PRRC1: variants seen among roughly 807,000 people sequenced by gnomAD.
PRRC1 encodes proline rich coiled-coil 1, also known as protein PRRC1.
A neutral mutation model predicts 40.7 loss-of-function variants in PRRC1; 39 were observed. The observed-to-expected ratio is 0.96, with a 90% CI of 0.74 to 1.25. The LOEUF (loss-of-function observed/expected upper bound fraction) is 1.25. PRRC1 is among the 50% of genes most tolerant of loss of function. The pLI is 0.00. For missense variants in PRRC1, 573 were observed against 548.3 expected (o/e 1.05, Z -0.45); for synonymous variants, 175 against 193.3 (o/e 0.91, Z 0.79).
intron 5 of PRRC1, among the ~76,000 whole-genome samples, chr5:127,533,207 T>C (rs925433630): frequency 6.6e-6 from 1 of 152,180 alleles, no homozygotes; most frequent in Non-Finnish European, 1.5e-5. Flanking sequence ...GACCCCATAT[T>C]TAAACTATTT....
intron 3 of PRRC1, among the ~76,000 whole-genome samples, chr5:127,525,175 G>C (rs528148443): frequency 4.7e-4 from 71 of 151,998 alleles, no homozygotes; most frequent in Non-Finnish European, 9.9e-4. Flanking sequence ...CACAGCTCTA[G>C]GCAACTACTA....
At chr5:127,532,803 A>G (rs1223559491) in intron 5 of PRRC1, among the ~76,000 whole-genome samples, 1 of 152,212 alleles carries the variant, frequency 6.6e-6, no homozygotes, top group Non-Finnish European at 1.5e-5. Context: ...AATGTTTTAC[A>G]TTATAAACAA....
intron 8 of PRRC1, chr5:127,548,591 T>C (rs1768289520): frequency 1.3e-5 from 2 of 152,106 alleles, no homozygotes; most frequent in Admixed American, 1.3e-4. Flanking sequence ...CATAAAATTT[T>C]TGTTACAGTT....
chr5:127,551,812 T>A lies in PRRC1; in HGVS notation c.1234T>A (p.Trp412Arg), dbSNP rs765882287. 1 of 1,614,152 alleles carries A rather than the reference T, an allele frequency of 6.2e-7. No homozygotes were observed. The highest frequency in any genetic ancestry group is 1.1e-5 in the South Asian group (1 of 91,080). Residue 412 changes from tryptophan to arginine, a missense_variant, in exon 9 of 9, where the codon TGG (tryptophan) becomes AGG (arginine). By Grantham distance (101) the Trp-to-Arg change is moderately radical (BLOSUM62 -3). Coordinates refer to ENST00000296666, the MANE Select transcript of PRRC1 (RefSeq NM_130809.5). ...KSLLNVSRTD[W>R]HMAFTGMSRR... is the part of the protein sequence containing the mutation. ...TTTACTGAATGTCAGCCGGACTGAT[T>A]GGCACATGGCATTTACTGGGATGTC...
Position 127,525,861 on chromosome 5 carries a change from C to G in PRRC1, c.494-757C>G, listed in dbSNP as rs539269967. Among the ~76,000 whole-genome samples the G allele has an allele frequency of 7.1e-4, 108 of 152,178 alleles. No individual in the cohort carries two copies. In the Middle Eastern group the frequency reaches 0.014, roughly 19 times the overall value. On this transcript the variant is annotated intron_variant, in intron 3 of 8. Transcript: ENST00000296666. ...TTATAGAGAAATTTAAAGGTGAAGT[C>G]TGAGTTTTTTTAAGTTTTACTGAAA...
intron 8 of PRRC1, chr5:127,548,706 A>G (rs901446784): frequency 1.3e-5 from 2 of 152,118 alleles, no homozygotes; most frequent in Non-Finnish European, 2.9e-5. Context: ...GTCTCCCAAG[A>G]AAAATGCGTG....
chr5:127,527,869 C>G (rs1028790876), intron 4 of PRRC1, among the ~76,000 whole-genome samples: 2 of 150,274 alleles, frequency 1.3e-5, no homozygotes, highest in African/African-American at 4.9e-5. Flanking sequence ...TTTGAGTGAA[C>G]ATTTGAAGAA....
Position 127,526,780 on chromosome 5 carries a change from T to G in PRRC1, c.654+2T>G. 1 of 1,559,858 alleles carries G rather than the reference T, an allele frequency of 6.4e-7. No individual in the cohort carries two copies. Among genetic ancestry groups the G allele is most frequent in the Non-Finnish European group, 8.7e-7 (1 of 1,155,474 alleles). On this transcript the variant is annotated splice_donor_variant, in intron 4 of 8. Transcript: ENST00000296666. LOFTEE classifies it high-confidence loss of function. Reference sequence around the variant, plus strand: ...GGTGGAATCTGGGGTTTTATTAAGGTAAGACGTGTTTAAAAATTATGTTTA... The same window carrying G: ...GGTGGAATCTGGGGTTTTATTAAGGGAAGACGTGTTTAAAAATTATGTTTA...
intron 3 of PRRC1, among the ~76,000 whole-genome samples, chr5:127,525,360 T>G (rs1160415328): frequency 6.6e-6 from 1 of 152,252 alleles, no homozygotes; most frequent in Non-Finnish European, 1.5e-5. Flanking sequence ...ACTTCATTCC[T>G]TTTCATGGCT....
At chr5:127,545,693 T>C (rs1342503232) in intron 7 of PRRC1, among the ~76,000 whole-genome samples, 1 of 150,090 alleles carries the variant, frequency 6.7e-6, no homozygotes, top group Non-Finnish European at 1.5e-5. Context: ...GATGAATTAA[T>C]GGGTGCAGCA....
chr5:127,543,615 C>T (rs1768119240), intron 7 of PRRC1, among the ~76,000 whole-genome samples: 1 of 152,126 alleles, frequency 6.6e-6, no homozygotes, highest in Non-Finnish European at 1.5e-5. Context: ...CGCTTCATTT[C>T]ATTCATTTCA....
At chr5:127,522,222 T>C (rs1381400134) in intron 1 of PRRC1, among the ~76,000 whole-genome samples, 1 of 152,254 alleles carries the variant, frequency 6.6e-6, no homozygotes, top group African/African-American at 2.4e-5. Flanking sequence ...AAGAAAGTTT[T>C]CTCATATTTT....
Position 127,538,861 on chromosome 5 carries a change from C to T in PRRC1, c.922-179C>T, listed in dbSNP as rs78280323. On this transcript the variant is annotated intron_variant, in intron 6 of 8. Coordinates refer to ENST00000296666, the MANE Select transcript of PRRC1 (RefSeq NM_130809.5). ...GGTGTACCCCAAACTGTTGATACTA[C>T]GGAAATGTAATTGTATTTTGTCATT... is the stretch of plus-strand genomic sequence containing the variant. Among the ~76,000 whole-genome samples the T allele has an allele frequency of 8.4e-3, 1,281 of 152,064 alleles. 15 individuals are homozygous for T. Among genetic ancestry groups the T allele is most frequent in the African/African-American group, 0.029 (1,212 of 41,510 alleles).
intron 6 of PRRC1, among the ~76,000 whole-genome samples, chr5:127,535,794 T>TG (rs1338843933): frequency 6.6e-6 from 1 of 152,114 alleles, no homozygotes; most frequent in African/African-American, 2.4e-5. Context: ...CATATTTCAT[T>TG]GGGGAAAAAG....
At chr5:127,530,594 A>G (rs1767742343) in intron 5 of PRRC1, among the ~76,000 whole-genome samples, 198 bp downstream of exon 5, 1 of 152,182 alleles carries the variant, frequency 6.6e-6, no homozygotes, top group African/African-American at 2.4e-5. Context: ...CATTAAATAA[A>G]TTTTGAAAAT....
chr5:127,544,598 C>T lies in PRRC1; in HGVS notation c.1026-3221C>T, dbSNP rs553038978. Among the ~76,000 whole-genome samples the T allele has an allele frequency of 2.9e-4, 44 of 152,356 alleles. No individual in the cohort carries two copies. In the East Asian group the frequency reaches 7.3e-3, roughly 25 times the overall value. Reference sequence around the variant, plus strand: ...TCTGGGCAATGGCGGGCGCCCCTCCCGCAGCCTCGCTGCCGCCTTGCAGTT... The same window carrying T: ...TCTGGGCAATGGCGGGCGCCCCTCCTGCAGCCTCGCTGCCGCCTTGCAGTT... On this transcript the variant is annotated intron_variant, in intron 7 of 8. Coordinates refer to ENST00000296666, the MANE Select transcript of PRRC1 (RefSeq NM_130809.5).
chr5:127,521,877 C>T (rs1260787439), intron 1 of PRRC1, among the ~76,000 whole-genome samples: 1 of 152,140 alleles, frequency 6.6e-6, no homozygotes, highest in Non-Finnish European at 1.5e-5. Flanking sequence ...CTTCAAATCT[C>T]GGTTTATCTG....
intron 1 of PRRC1, among the ~76,000 whole-genome samples, chr5:127,523,180 T>C (rs1767506881): frequency 6.6e-6 from 1 of 152,188 alleles, no homozygotes; most frequent in Non-Finnish European, 1.5e-5. Context: ...ATTTGAAATG[T>C]AGTAGATAAT....
chr5:127,540,061 TA>T (rs905333023), intron 7 of PRRC1, among the ~76,000 whole-genome samples: 2 of 152,166 alleles, frequency 1.3e-5, no homozygotes, highest in African/African-American at 4.8e-5. Flanking sequence ...AGTTTGAAGG[TA>T]ATTGAAATGT....
Sources: gnomAD v4.1 joint callset for allele counts (sites outside exome capture counted in the v4.1 genomes callset) on GRCh38, gnomAD v4.1.1 for gene constraint, MANE v1.5 for transcripts, NCBI Gene and HGNC (gene_info 2026-07-23, HGNC 2026-07-21) for gene names.